Variants in BOC observed in about 807,000 individuals in gnomAD.
The protein encoded by BOC is brother of CDO.
Under a neutral mutation model 112.0 loss-of-function variants are expected in BOC, and 76 were observed. The ratio of observed to expected loss-of-function variants is 0.68; its 90% confidence interval spans 0.56 to 0.82. The LOEUF is 0.82. Among genes scored for constraint, BOC ranks in the 40% least tolerant of loss-of-function variants. The pLI is 0.00. For synonymous variants in BOC, 580 were observed against 599.8 expected, an observed-to-expected ratio of 0.97 and a Z score of 0.48; for missense variants, 1,309 against 1,511.7, an observed-to-expected ratio of 0.87 and a Z score of 2.22.
At chr3:113,242,103 GT>G in intron 2 of BOC, among the ~76,000 whole-genome samples, 1 of 150,594 alleles carries the variant, frequency 6.6e-6, no homozygotes, top group African/African-American at 2.4e-5. Context: ...CAATCACCCT[GT>G]TTTGAGCCCT....
At chr3:113,268,887 T>C (rs996495131) in intron 5 of BOC, among the ~76,000 whole-genome samples, 6 of 152,228 alleles carry the variant, frequency 3.9e-5, no homozygotes, top group Non-Finnish European at 8.8e-5. Context: ...TGAGCCACCA[T>C]GCTTGGTCAT....
intron 5 of BOC, chr3:113,269,845 G>T (rs1224528431): frequency 6.6e-6 from 1 of 152,346 alleles, no homozygotes; most frequent in African/African-American, 2.4e-5. Context: ...TCATACCTGG[G>T]TGGCCCAGCA....
At chr3:113,216,931 T>G (rs1300221638) in intron 2 of BOC, among the ~76,000 whole-genome samples, 2 of 151,972 alleles carry the variant, frequency 1.3e-5, no homozygotes, top group Admixed American at 6.6e-5. Flanking sequence ...GTGGGTAGGG[T>G]TGAAGAAAAA....
At chr3:113,281,216 A>T in intron 15 of BOC, 63 bp downstream of exon 15, 1 of 1,591,192 alleles carries the variant, frequency 6.3e-7, no homozygotes, top group Non-Finnish European at 8.6e-7. Context: ...CAGAGTCACC[A>T]TTCCCTGTGC....
intron 7 of BOC, 59 bp from the exon 8 acceptor site, chr3:113,273,010 C>A: frequency 6.5e-7 from 1 of 1,549,180 alleles, no homozygotes; most frequent in South Asian, 1.2e-5. Flanking sequence ...CCTCCCAGCC[C>A]ATCTGGCCCT....
At position 113,280,976 on chromosome 3, in the gene BOC, A is replaced by G. The variant is rs1344720010; in HGVS notation, c.2312-55A>G. On this transcript the variant is annotated intron_variant, in intron 14 of 19. Transcript: ENST00000682979. ...AGCTGAGTCTGACTATGAGATTGGGATCAAGAAAACCATATACACATTGCC... is the reference window on the plus strand; with the variant it reads ...AGCTGAGTCTGACTATGAGATTGGGGTCAAGAAAACCATATACACATTGCC... The G allele has an allele frequency of 3.1e-6, 5 of 1,599,238 alleles. No individual in the cohort carries two copies. In the African/African-American group the frequency reaches 6.7e-5, roughly 21 times the overall value.
At chr3:113,246,328 A>G (rs1944916050) in intron 2 of BOC, among the ~76,000 whole-genome samples, 1 of 152,210 alleles carries the variant, frequency 6.6e-6, no homozygotes, top group East Asian at 1.9e-4. Context: ...AAGGAAAATA[A>G]GAAGGATCTT....
chr3:113,246,483 C>T (rs1944935807), intron 2 of BOC, among the ~76,000 whole-genome samples: 2 of 152,090 alleles, frequency 1.3e-5, no homozygotes, highest in Non-Finnish European at 2.9e-5. Flanking sequence ...GCCTTTTTTC[C>T]CGAAACATTA....
At chr3:113,214,841 G>A (rs1429418684) in intron 1 of BOC, among the ~76,000 whole-genome samples, 1 of 152,226 alleles carries the variant, frequency 6.6e-6, no homozygotes, top group African/African-American at 2.4e-5. Context: ...AAGCTTCCTT[G>A]TCCCAGGAAA....
chr3:113,225,001 C>T (rs1388078342), intron 2 of BOC, among the ~76,000 whole-genome samples: 6 of 152,024 alleles, frequency 3.9e-5, no homozygotes, highest in South Asian at 2.1e-4. Context: ...GGCATGAACC[C>T]GGGAGGCAGA....
chr3:113,255,066 G>C (rs1412997591), intron 4 of BOC, among the ~76,000 whole-genome samples: 2 of 151,978 alleles, frequency 1.3e-5, no homozygotes, highest in African/African-American at 4.8e-5. Flanking sequence ...CCATCTCGCT[G>C]TCCTCTGAAG....
At position 113,279,923 on chromosome 3, in the gene BOC, G is replaced by A. The variant is rs200796915; in HGVS notation, c.2123G>A (p.Arg708His). 125 of 1,613,880 alleles carry A rather than the reference G, an allele frequency of 7.7e-5. 1 individual carries two copies. The highest frequency in any genetic ancestry group is 1.0e-4 in the Non-Finnish European group (121 of 1,179,982). The change falls in exon 13 of 20, where the codon CGC becomes CAC. Residue 708 changes from arginine (R) to histidine (H), a missense_variant. Transcript: ENST00000682979. ...RPYVVSGYSGRVYERPVAGPY... is the reference protein window; with the variant it reads ...RPYVVSGYSGHVYERPVAGPY... ...TACGTGGTGTCGGGCTACAGCGGTC[G>A]CGTGTACGAGAGGCCCGTGGCAGGT... is the stretch of plus-strand genomic sequence containing the variant.
At position 113,272,573 on chromosome 3, in the gene BOC, G is replaced by A. The variant is rs138054892; in HGVS notation, c.831G>A (p.Thr277=). 8.2e-5 allele frequency: 132 copies of A among 1,613,880 alleles called. No homozygotes were observed. The highest frequency in any genetic ancestry group is 9.2e-5 in the Non-Finnish European group (108 of 1,180,006). Residue 277 remains threonine (T), a synonymous_variant, in exon 7 of 20, where the codon ACG becomes ACA. Transcript: ENST00000682979. ...CCAGTGTCACCGGCTACAACAAGACGCGCTTCCTGCTGAGCAACCTCCTCA... is the reference window on the plus strand; with the variant it reads ...CCAGTGTCACCGGCTACAACAAGACACGCTTCCTGCTGAGCAACCTCCTCA... ...DGSSVTGYNK[T]RFLLSNLLID...
intron 2 of BOC, among the ~76,000 whole-genome samples, chr3:113,236,335 TA>T (rs1943562767): frequency 7.6e-6 from 1 of 130,848 alleles, no homozygotes. Flanking sequence ...TGCTCAGTCA[TA>T]AAAAAGAATG....
Position 113,273,146 on chromosome 3 carries a change from C to T in BOC, c.1039C>T (p.Arg347Cys), listed in dbSNP as rs761807372. ...GAGTGCCAAGCTTACCTGTGAGGTG[C>T]GTGGGAACCCCCCGCCCTCCGTGCT... ...GQSAKLTCEV[R>C]GNPPPSVLWL... Residue 347 changes from arginine (R) to cysteine (C), a missense_variant, in exon 8 of 20, where the codon CGT becomes TGT. Arg to Cys is a radical substitution (Grantham distance 180). Transcript: ENST00000682979. 34 of 1,613,822 alleles carry T rather than the reference C, an allele frequency of 2.1e-5. No individual in the cohort carries two copies. Among genetic ancestry groups the T allele is most frequent in the Non-Finnish European group, 2.8e-5 (33 of 1,179,880 alleles).
intron 4 of BOC, among the ~76,000 whole-genome samples, chr3:113,264,285 C>T (rs1021081145): frequency 2.0e-5 from 3 of 152,176 alleles, no homozygotes; most frequent in Non-Finnish European, 4.4e-5. Flanking sequence ...AGAGAGGATG[C>T]AAAAGAAGGG....
chr3:113,257,594 A>G (rs898621890), intron 4 of BOC, among the ~76,000 whole-genome samples: 6 of 143,204 alleles, frequency 4.2e-5, no homozygotes, highest in African/African-American at 1.8e-4. Flanking sequence ...TCCTCTGTGA[A>G]GTGTAGGGGT....
chr3:113,285,269 A>T, intron 18 of BOC, 103 bp from the exon 19 acceptor site: 2 of 1,161,612 alleles, frequency 1.7e-6, no homozygotes, highest in South Asian at 1.4e-5. Flanking sequence ...CTGAGCTCTC[A>T]CCAGCTCTGA....
intron 2 of BOC, among the ~76,000 whole-genome samples, chr3:113,234,062 ACATT>A (rs1943089378): frequency 6.6e-6 from 1 of 152,210 alleles, no homozygotes; most frequent in Non-Finnish European, 1.5e-5. Flanking sequence ...AGCTTAGCAA[ACATT>A]CTTTGAGTAC....
Sources: allele counts gnomAD v4.1 joint callset (sites outside exome capture counted in the v4.1 genomes callset), GRCh38; gene constraint gnomAD v4.1.1; transcripts MANE v1.5; gene names NCBI Gene and HGNC (gene_info 2026-07-23, HGNC 2026-07-21).